COL11A1: variants seen among roughly 807,000 people sequenced by gnomAD.
COL11A1 encodes collagen alpha-1(XI) chain.
COL11A1 carries 74 observed loss-of-function variants against 265.2 expected under a neutral mutation model. That is an observed-to-expected ratio of 0.28 (90% CI 0.23 to 0.34). The LOEUF is 0.34. Ranked by LOEUF, COL11A1 falls within the 10% of genes least tolerant of loss-of-function variation. The probability of loss-of-function intolerance (pLI) is 1.00; values close to 1 mark genes in which losing one functional copy is unlikely to be tolerated. For missense variants in COL11A1, 2,165 were observed against 2,263.6 expected, an observed-to-expected ratio of 0.96 and a Z score of 0.88; for synonymous variants, 816 against 727.6, an observed-to-expected ratio of 1.12 and a Z score of -1.96.
At chr1:102,947,877 AG>A (rs1324326334) in intron 41 of COL11A1, among the ~76,000 whole-genome samples, 11 of 151,876 alleles carry the variant, frequency 7.2e-5, no homozygotes, top group Non-Finnish European at 4.4e-5. Context: ...TTGGATTCTC[AG>A]AGGGGTGATT....
chr1:103,067,642 G>C (rs1307043747), intron 4 of COL11A1, among the ~76,000 whole-genome samples: 2 of 151,598 alleles, frequency 1.3e-5, no homozygotes. Flanking sequence ...TCTGTTAAGA[G>C]TGACAATTAA....
chr1:103,013,564 C>A (rs1401396091), intron 13 of COL11A1, among the ~76,000 whole-genome samples: 1 of 151,710 alleles, frequency 6.6e-6, no homozygotes, highest in Non-Finnish European at 1.5e-5. Context: ...TTTTCATTAT[C>A]TTTAAACATG....
chr1:102,964,343 A>G (rs906422818), intron 38 of COL11A1, among the ~76,000 whole-genome samples: 7 of 152,198 alleles, frequency 4.6e-5, no homozygotes, highest in African/African-American at 1.7e-4. Flanking sequence ...GTATTTTTGG[A>G]GGAAGCTTTC....
chr1:103,026,205 T>C lies in COL11A1; in HGVS notation c.897+11A>G, dbSNP rs900322028. 6.3e-6 allele frequency: 10 copies of C among 1,585,406 alleles called. No individual in the cohort carries two copies. The African/African-American group carries it at 1.3e-4, about 21-fold the overall frequency. On this transcript the variant is annotated intron_variant, in intron 6 of 66. Transcript: ENST00000370096. The stretch of plus-strand genomic sequence containing the variant: ...AGGACACCACATACACAGGCACTGC[T>C]TTGTTTTTACCTCCGTCTGTGCTAT...
chr1:103,022,188 A>G (rs964508722), intron 8 of COL11A1, among the ~76,000 whole-genome samples: 12 of 151,862 alleles, frequency 7.9e-5, no homozygotes, highest in Non-Finnish European at 1.6e-4. Context: ...AATTTAGTAA[A>G]CTAAACACAT....
intron 37 of COL11A1, among the ~76,000 whole-genome samples, chr1:102,968,461 A>T (rs1661648601): frequency 6.6e-6 from 1 of 152,234 alleles, no homozygotes. Flanking sequence ...TTATACTGAA[A>T]CAACCCAAAT....
At chr1:103,063,713 C>T (rs965430457) in intron 4 of COL11A1, among the ~76,000 whole-genome samples, 1 of 152,080 alleles carries the variant, frequency 6.6e-6, no homozygotes, top group South Asian at 2.1e-4. Flanking sequence ...ATAATCTAGG[C>T]TTTATTAAAA....
rs186714378 is a variant in COL11A1, at chr1:103,108,272, G to A, written c.-94C>T. On this transcript the variant is annotated 5_prime_UTR_variant, in exon 1 of 67. Coordinates refer to ENST00000370096, the MANE Select transcript of COL11A1 (RefSeq NM_001854.4). ...TTCCAAGGTATCGCCAGGGATGTTT[G>A]CTACACAGCCATTGGGGAGGGAGAG... 1.3e-5 allele frequency: 12 copies of A among 927,086 alleles called. No homozygotes were observed. The East Asian group carries it at 2.7e-4, about 21-fold the overall frequency. The allele number at this position is 927,086 out of a possible 1,614,324, so 57.4% of individuals were successfully genotyped here. A position where few individuals can be genotyped will look rare whatever the true frequency, so the allele number is the denominator to read the frequency against.
At position 102,977,436 on chromosome 1, in the gene COL11A1, A is replaced by C. The variant is rs184301041; in HGVS notation, c.2754+1272T>G. On this transcript the variant is annotated intron_variant, in intron 35 of 66. Transcript: ENST00000370096. ...TTGTCTCACTCTCAAAGTGTTTTTA[A>C]AAGTAATCATACTGTTGGATGACAG... Among the ~76,000 whole-genome samples, 3 of 152,264 alleles carry C rather than the reference A, an allele frequency of 2.0e-5. No homozygotes were observed. The East Asian group carries it at 5.8e-4, about 29-fold the overall frequency.
chr1:103,032,101 A>G (rs1438911275), intron 4 of COL11A1, among the ~76,000 whole-genome samples: 3 of 152,112 alleles, frequency 2.0e-5, no homozygotes, highest in Non-Finnish European at 4.4e-5. Context: ...TGTCATGACC[A>G]TATTAATTCA....
chr1:103,071,051 T>C (rs537713417), intron 4 of COL11A1, among the ~76,000 whole-genome samples: 2 of 152,016 alleles, frequency 1.3e-5, no homozygotes, highest in African/African-American at 4.8e-5. Flanking sequence ...TTCATTGATT[T>C]CTCCACAGAA....
chr1:102,940,228 T>C (rs1178720385), intron 43 of COL11A1, 99 bp downstream of exon 43: 11 of 977,818 alleles, frequency 1.1e-5, no homozygotes, highest in African/African-American at 1.6e-5. Flanking sequence ...AGGTAACCTT[T>C]CACCTGGCGC....
At chr1:103,056,813 G>A (rs1221001993) in intron 4 of COL11A1, among the ~76,000 whole-genome samples, 1 of 151,312 alleles carries the variant, frequency 6.6e-6, no homozygotes, top group Non-Finnish European at 1.5e-5. Context: ...ACACTATTCT[G>A]TTGTCTATTA....
intron 54 of COL11A1, among the ~76,000 whole-genome samples, chr1:102,910,346 T>C (rs1654503520): frequency 6.6e-6 from 1 of 152,052 alleles, no homozygotes; most frequent in Admixed American, 6.6e-5. Flanking sequence ...TATCAAATGA[T>C]AATTACTTAA....
intron 4 of COL11A1, among the ~76,000 whole-genome samples, chr1:103,036,328 A>G (rs1000049501): frequency 2.0e-4 from 4 of 19,682 alleles, no homozygotes; most frequent in African/African-American, 2.6e-4. Flanking sequence ...TATCGTATAT[A>G]TATATATATA....
At chr1:103,008,432 A>C (rs554787838) in intron 15 of COL11A1, 31 bp downstream of exon 15, 4 of 1,592,996 alleles carry the variant, frequency 2.5e-6, no homozygotes, top group South Asian at 1.1e-5. Context: ...GAAGCCAGTC[A>C]AGAATAAAAA....
chr1:102,930,038 C>T lies in COL11A1; in HGVS notation c.3600+4411G>A, dbSNP rs1352097060. ...GATATACAATCATGTCATCTGCAAA[C>T]AGGGACAATTTGACTTCCTCTTTTC... On this transcript the variant is annotated intron_variant, in intron 46 of 66. Coordinates refer to ENST00000370096, the MANE Select transcript of COL11A1 (RefSeq NM_001854.4). Among the ~76,000 whole-genome samples, 7 of 152,160 alleles carry T rather than the reference C, an allele frequency of 4.6e-5. No individual in the cohort carries two copies. In the East Asian group the frequency reaches 1.3e-3, roughly 29 times the overall value.
chr1:103,073,112 T>C (rs1671711508), intron 4 of COL11A1, among the ~76,000 whole-genome samples: 1 of 151,864 alleles, frequency 6.6e-6, no homozygotes, highest in East Asian at 1.9e-4. Context: ...ACTAAGGGTT[T>C]CATTAAAGAA....
intron 41 of COL11A1, among the ~76,000 whole-genome samples, chr1:102,959,649 T>C (rs1660703833): frequency 6.6e-6 from 1 of 152,222 alleles, no homozygotes; most frequent in Non-Finnish European, 1.5e-5. Context: ...TGATGTTCAG[T>C]TGCATATAAC....
Sources: gnomAD v4.1 joint callset for allele counts (sites outside exome capture counted in the v4.1 genomes callset) on GRCh38, gnomAD v4.1.1 for gene constraint, MANE v1.5 for transcripts, NCBI Gene and HGNC (gene_info 2026-07-23, HGNC 2026-07-21) for gene names.